Variants in CDH2 observed in about 807,000 individuals in gnomAD.
The protein encoded by CDH2 is cadherin-2.
Under a neutral mutation model 92.0 loss-of-function variants are expected in CDH2, and 17 were observed. That is an observed-to-expected ratio of 0.18 (90% CI 0.13 to 0.28). The LOEUF (loss-of-function observed/expected upper bound fraction) is 0.28. Among genes scored for constraint, CDH2 ranks in the 10% least tolerant of loss-of-function variants. CDH2 has a pLI of 1.00. For synonymous variants in CDH2, 419 were observed against 415.9 expected (o/e 1.01, Z -0.09); for missense variants, 862 against 1,133.1 (o/e 0.76, Z 3.44).
At chr18:28,169,842 T>A (rs1266901169) in intron 1 of CDH2, among the ~76,000 whole-genome samples, 1 of 152,206 alleles carries the variant, frequency 6.6e-6, no homozygotes, top group Admixed American at 6.5e-5. Context: ...AAACCCAAGT[T>A]AAACTGCTTA....
intron 1 of CDH2, among the ~76,000 whole-genome samples, chr18:28,160,354 G>A (rs887620868): frequency 1.3e-5 from 2 of 152,094 alleles, no homozygotes; most frequent in Non-Finnish European, 2.9e-5. Flanking sequence ...AAGTGCTGAG[G>A]GGCCTCAGCT....
chr18:28,068,739 G>A (rs2014560447), intron 2 of CDH2, among the ~76,000 whole-genome samples: 1 of 152,166 alleles, frequency 6.6e-6, no homozygotes, highest in African/African-American at 2.4e-5. Flanking sequence ...AGGTTGACAT[G>A]AAATCCCTTC....
At chr18:28,051,079 G>T (rs964615970) in intron 2 of CDH2, among the ~76,000 whole-genome samples, 2 of 152,076 alleles carry the variant, frequency 1.3e-5, no homozygotes, top group African/African-American at 4.8e-5. Context: ...TATGCATATT[G>T]TAAAAAATAG....
chr18:28,073,423 G>C (rs1217150814), intron 2 of CDH2, among the ~76,000 whole-genome samples: 2 of 143,546 alleles, frequency 1.4e-5, no homozygotes, highest in African/African-American at 2.6e-5. Context: ...TTAGTTGATT[G>C]TTTTTTCCTT....
intron 1 of CDH2, among the ~76,000 whole-genome samples, chr18:28,150,791 T>C (rs2016109093): frequency 6.6e-6 from 1 of 152,214 alleles, no homozygotes; most frequent in East Asian, 1.9e-4. Flanking sequence ...TTCTTCTTCC[T>C]TAAGACAAAA....
chr18:28,109,163 G>A (rs1030891260), intron 2 of CDH2, among the ~76,000 whole-genome samples: 3 of 152,144 alleles, frequency 2.0e-5, no homozygotes, highest in South Asian at 4.1e-4. Flanking sequence ...GAATATTCAC[G>A]CTTAAAATGG....
chr18:27,985,391 A>T, intron 12 of CDH2, 137 bp downstream of exon 12: 1 of 806,234 alleles, frequency 1.2e-6, no homozygotes, highest in Non-Finnish European at 1.9e-6. Context: ...AAAGGCCTTT[A>T]ATATCTTACT....
intron 14 of CDH2, 114 bp downstream of exon 14, chr18:27,982,830 A>G (rs1000702382): frequency 1.7e-6 from 1 of 587,270 alleles, no homozygotes; most frequent in East Asian, 3.2e-5. Context: ...TTACCAAATG[A>G]CTGATAACAG....
At chr18:27,996,111 C>T (rs1180715548) in intron 7 of CDH2, among the ~76,000 whole-genome samples, 1 of 152,096 alleles carries the variant, frequency 6.6e-6, no homozygotes, top group African/African-American at 2.4e-5. Flanking sequence ...CATCTGCTTG[C>T]TGTCAATCCT....
intron 1 of CDH2, among the ~76,000 whole-genome samples, chr18:28,169,464 C>T (rs1472061706): frequency 6.6e-6 from 1 of 152,124 alleles, no homozygotes; most frequent in Non-Finnish European, 1.5e-5. Context: ...ATAAAAACTC[C>T]AAACTATGCA....
At chr18:27,965,374 G>A (rs534751345) in intron 14 of CDH2, among the ~76,000 whole-genome samples, 51 of 152,284 alleles carry the variant, frequency 3.3e-4, no homozygotes, top group Non-Finnish European at 5.6e-4. Flanking sequence ...TAGAGACTTC[G>A]AACCCGCCAG....
chr18:28,003,837 T>G (rs574729641), intron 6 of CDH2, among the ~76,000 whole-genome samples: 1 of 152,344 alleles, frequency 6.6e-6, no homozygotes, highest in South Asian at 2.1e-4. Flanking sequence ...TGTATCGAAT[T>G]AGTTCAAACT....
At chr18:28,004,043 C>G (rs2012844930) in intron 6 of CDH2, among the ~76,000 whole-genome samples, 1 of 152,202 alleles carries the variant, frequency 6.6e-6, no homozygotes, top group African/African-American at 2.4e-5. Flanking sequence ...ACCTTGGGTT[C>G]TGAACTAACT....
At chr18:28,002,578 C>CA (rs1258196128) in intron 7 of CDH2, among the ~76,000 whole-genome samples, 4 of 152,204 alleles carry the variant, frequency 2.6e-5, no homozygotes, top group African/African-American at 9.6e-5. Context: ...ACAAGGGCTA[C>CA]AAAAAACCAA....
At chr18:28,169,938 C>A (rs1364224285) in intron 1 of CDH2, among the ~76,000 whole-genome samples, 1 of 152,160 alleles carries the variant, frequency 6.6e-6, no homozygotes, top group African/African-American at 2.4e-5. Flanking sequence ...CTAGTAAGGT[C>A]CACTTTCAAT....
At chr18:28,052,005 C>A (rs1418883197) in intron 2 of CDH2, among the ~76,000 whole-genome samples, 2 of 152,154 alleles carry the variant, frequency 1.3e-5, no homozygotes, top group Middle Eastern at 3.4e-3. Flanking sequence ...ATACCAGATC[C>A]CATTTGTATG....
intron 2 of CDH2, among the ~76,000 whole-genome samples, chr18:28,103,093 A>ATGT: frequency 6.7e-6 from 1 of 150,108 alleles, no homozygotes; most frequent in Admixed American, 6.7e-5. Flanking sequence ...GTGAAGAAAC[A>ATGT]AATGAAGTAA....
intron 11 of CDH2, among the ~76,000 whole-genome samples, chr18:27,987,537 T>C (rs983818333): frequency 6.6e-6 from 1 of 152,204 alleles, no homozygotes; most frequent in African/African-American, 2.4e-5. Flanking sequence ...AACACCAACT[T>C]CAACCACCAA....
chr18:28,103,932 G>C (rs1038475540), intron 2 of CDH2, among the ~76,000 whole-genome samples: 5 of 151,652 alleles, frequency 3.3e-5, no homozygotes, highest in African/African-American at 9.7e-5. Context: ...ATTTTTTTTG[G>C]TTCTACAATA....
Sources: gnomAD v4.1 joint callset for allele counts (sites outside exome capture counted in the v4.1 genomes callset) on GRCh38, gnomAD v4.1.1 for gene constraint, MANE v1.5 for transcripts, NCBI Gene and HGNC (gene_info 2026-07-23, HGNC 2026-07-21) for gene names.